TASP1: variants seen among roughly 807,000 people sequenced by gnomAD.
The protein encoded by TASP1 is taspase 1.
A neutral mutation model predicts 56.6 loss-of-function variants in TASP1; 16 were observed. The observed-to-expected ratio is 0.28, with a 90% CI of 0.19 to 0.43. The LOEUF (loss-of-function observed/expected upper bound fraction) is 0.43, where lower values mean the gene tolerates loss of function less well. Ranked by LOEUF, TASP1 falls within the 20% of genes least tolerant of loss-of-function variation. The probability of loss-of-function intolerance (pLI) is 1.00; values close to 1 mark genes in which losing one functional copy is unlikely to be tolerated. For synonymous variants in TASP1, 179 were observed against 184.2 expected, an observed-to-expected ratio of 0.97 and a Z score of 0.23; for missense variants, 393 against 511.6, an observed-to-expected ratio of 0.77 and a Z score of 2.24.
At chr20:13,624,729 G>A (rs1374832548) in intron 3 of TASP1, among the ~76,000 whole-genome samples, 4 of 152,014 alleles carry the variant, frequency 2.6e-5, no homozygotes, top group Non-Finnish European at 5.9e-5. Context: ...CTGAGTACAA[G>A]GGCAAAACTG....
At position 13,390,133 on chromosome 20, in the gene TASP1, C is replaced by T. The variant is rs1194807912; in HGVS notation, c.*227G>A. The T allele has an allele frequency of 6.2e-6, 3 of 482,094 alleles. No individual in the cohort carries two copies. In the East Asian group the frequency reaches 1.1e-4, roughly 18 times the overall value. The allele number at this position is 482,094 out of a possible 1,614,324, so 29.9% of individuals were successfully genotyped here. A position where few individuals can be genotyped will look rare whatever the true frequency, so the allele number is the denominator to read the frequency against. On this transcript the variant is annotated 3_prime_UTR_variant, in exon 14 of 14. Transcript: ENST00000337743. ...CAAACACACATACTCCACACATACA[C>T]ATATGTGCGCACATACGCGCACACA... is the stretch of plus-strand genomic sequence containing the variant.
the TASP1 span, among the ~76,000 whole-genome samples, chr20:13,275,901 C>T: frequency 2.6e-5 from 4 of 152,180 alleles, no homozygotes; most frequent in African/African-American, 4.8e-5. Context: ...AGCCAGTTTC[C>T]GTCCCTGAAA....
At chr20:13,550,609 CA>C (rs1055014762) in intron 8 of TASP1, among the ~76,000 whole-genome samples, 6 of 152,060 alleles carry the variant, frequency 3.9e-5, no homozygotes, top group African/African-American at 1.4e-4. Flanking sequence ...TTGGTTTACT[CA>C]TATATTCATA....
At chr20:13,267,493 C>T in the TASP1 span, among the ~76,000 whole-genome samples, 1 of 152,158 alleles carries the variant, frequency 6.6e-6, no homozygotes, top group Non-Finnish European at 1.5e-5. Flanking sequence ...ACCCAAGTAT[C>T]TTGACTAATC....
At chr20:13,445,401 C>T (rs1026321230) in intron 11 of TASP1, among the ~76,000 whole-genome samples, 5 of 152,114 alleles carry the variant, frequency 3.3e-5, no homozygotes, top group Admixed American at 3.3e-4. Flanking sequence ...TTTTGAAATT[C>T]ATAAAGCAGT....
At chr20:13,419,540 A>G (rs1229069850) in intron 12 of TASP1, among the ~76,000 whole-genome samples, 1 of 152,244 alleles carries the variant, frequency 6.6e-6, no homozygotes, top group African/African-American at 2.4e-5. Flanking sequence ...GCATTTTTAA[A>G]GTTGTAATGT....
chr20:13,369,039 A>G, the TASP1 span, among the ~76,000 whole-genome samples: 1 of 152,246 alleles, frequency 6.6e-6, no homozygotes, highest in Non-Finnish European at 1.5e-5. Flanking sequence ...TAGTCATAGT[A>G]GGCAATTTCA....
chr20:13,433,533 A>AAAAC (rs1568793716), intron 12 of TASP1, among the ~76,000 whole-genome samples: 1 of 150,712 alleles, frequency 6.6e-6, no homozygotes, highest in African/African-American at 2.5e-5. Flanking sequence ...AAAAAAAAAA[A>AAAAC]AAAAAAAATA....
At chr20:13,585,889 C>G (rs956336094) in intron 5 of TASP1, among the ~76,000 whole-genome samples, 2 of 152,120 alleles carry the variant, frequency 1.3e-5, no homozygotes, top group African/African-American at 4.8e-5. Context: ...AATCTCAGCA[C>G]TTTGGGAGGC....
intron 6 of TASP1, among the ~76,000 whole-genome samples, chr20:13,577,095 T>C (rs1182421483): frequency 6.6e-6 from 1 of 152,138 alleles, no homozygotes; most frequent in African/African-American, 2.4e-5. Context: ...AGGGTTATTG[T>C]TACCTAGGGG....
At position 13,630,064 on chromosome 20, in the gene TASP1, C is replaced by T. The variant is rs6074628; in HGVS notation, c.15G>A (p.Lys5=). The T allele has an allele frequency of 3.1e-6, 5 of 1,613,170 alleles. No homozygotes were observed. Among genetic ancestry groups the T allele is most frequent in the Non-Finnish European group, 1.7e-6 (2 of 1,179,772 alleles). The change falls in exon 2 of 14, where the codon AAG becomes AAA. Residue 5 remains lysine, a synonymous_variant. Transcript: ENST00000337743. ...GCAGCCCTTCTCCAGAACTCATCCC[C>T]TTCTCCATGGTCATTCTCCAAGATT... MTME[K]GMSSGEGLPS...
the TASP1 span, among the ~76,000 whole-genome samples, chr20:13,304,939 A>G: frequency 6.6e-6 from 1 of 152,122 alleles, no homozygotes; most frequent in East Asian, 1.9e-4. Flanking sequence ...GCTCAGCGCC[A>G]TCTCTCAGAG....
At chr20:13,625,151 T>C (rs2048844032) in intron 3 of TASP1, 34 bp downstream of exon 3, 3 of 1,439,606 alleles carry the variant, frequency 2.1e-6, no homozygotes, top group African/African-American at 1.5e-5. Flanking sequence ...TGTTCAAAAC[T>C]GCAATGCACA....
chr20:13,498,654 C>A (rs554688307), intron 10 of TASP1, among the ~76,000 whole-genome samples: 1 of 151,584 alleles, frequency 6.6e-6, no homozygotes, highest in African/African-American at 2.4e-5. Context: ...TGAACAAACA[C>A]TTTTCAAAAG....
At chr20:13,630,513 A>C (rs1214646428) in intron 1 of TASP1, among the ~76,000 whole-genome samples, 1 of 151,880 alleles carries the variant, frequency 6.6e-6, no homozygotes, top group Non-Finnish European at 1.5e-5. Context: ...ACATGGTGAA[A>C]CCTCATCTCT....
intron 12 of TASP1, among the ~76,000 whole-genome samples, chr20:13,418,796 A>G (rs945129561): frequency 2.6e-5 from 4 of 152,262 alleles, no homozygotes; most frequent in African/African-American, 7.2e-5. Context: ...ACCTTGAGAC[A>G]CAACACTTCT....
At chr20:13,158,878 A>C in the TASP1 span, among the ~76,000 whole-genome samples, 1 of 152,214 alleles carries the variant, frequency 6.6e-6, no homozygotes, top group East Asian at 1.9e-4. Flanking sequence ...GTCTGGTTCA[A>C]GAATTCTTCC....
chr20:13,141,343 G>T, the TASP1 span, among the ~76,000 whole-genome samples: 1 of 152,162 alleles, frequency 6.6e-6, no homozygotes, highest in African/African-American at 2.4e-5. Flanking sequence ...AGGGAAGAGG[G>T]AATGAAAAGC....
chr20:13,479,229 G>A (rs1056032533), intron 11 of TASP1, among the ~76,000 whole-genome samples: 1 of 152,004 alleles, frequency 6.6e-6, no homozygotes, highest in African/African-American at 2.4e-5. Flanking sequence ...TTCTACACAT[G>A]CATTGTAATG....
Sources: gnomAD v4.1 joint callset for allele counts (sites outside exome capture counted in the v4.1 genomes callset) on GRCh38, gnomAD v4.1.1 for gene constraint, MANE v1.5 for transcripts, NCBI Gene and HGNC (gene_info 2026-07-23, HGNC 2026-07-21) for gene names.